The following TIMP1 variants were observed in gnomAD, a reference collection of about 807,000 sequenced individuals.
TIMP1 encodes TIMP metallopeptidase inhibitor 1, also known as metalloproteinase inhibitor 1.
TIMP1 carries 5 observed loss-of-function variants against 13.7 expected under a neutral mutation model. The observed-to-expected ratio is 0.36, with a 90% CI of 0.19 to 0.76. The LOEUF (loss-of-function observed/expected upper bound fraction) is 0.76. TIMP1 is among the 30% of genes least tolerant of loss of function. The pLI is 0.51. For synonymous variants in TIMP1, 63 were observed against 67.1 expected, an observed-to-expected ratio of 0.94 and a Z score of 0.30; for missense variants, 131 against 168.4, an observed-to-expected ratio of 0.78 and a Z score of 1.23.
rs761532697 is a variant in TIMP1 at position 47,583,571 on chromosome X, C to T, written c.121+35C>T. On this transcript the variant is annotated intron_variant, in intron 2 of 5. Coordinates refer to ENST00000218388, the MANE Select transcript of TIMP1 (RefSeq NM_003254.3). ...CACCCCACTCAGCCCACACACTCTG[C>T]CTTGGTTTCCCTTTCAGTCCAGTGG... 123 of 1,154,095 alleles carry T rather than the reference C, an allele frequency of 1.1e-4. No homozygotes were observed. In the South Asian group the frequency reaches 2.5e-3, roughly 23 times the overall value.
rs2057827335 is a variant in TIMP1, at chrX:47,586,508, T to C, written c.454-13T>C. 3 of 1,208,738 alleles carry C rather than the reference T, an allele frequency of 2.5e-6. No individual in the cohort carries two copies. The highest frequency in any genetic ancestry group is 3.4e-6 in the Non-Finnish European group (3 of 893,590). ...GGAGAAGCCCTCAGAGATGTTTCCCTCCTCCCTTCCAGGTGTTTCCCTGTT... is the reference window on the plus strand; with the variant it reads ...GGAGAAGCCCTCAGAGATGTTTCCCCCCTCCCTTCCAGGTGTTTCCCTGTT... On this transcript the variant is annotated splice_polypyrimidine_tract_variant and intron_variant, in intron 5 of 5. Coordinates refer to ENST00000218388, the MANE Select transcript of TIMP1 (RefSeq NM_003254.3).
Position 47,582,479 on chromosome X carries a change from G to T in TIMP1, c.-9+5G>T. 1 of 286,747 alleles carries T rather than the reference G, an allele frequency of 3.5e-6. No individual in the cohort carries two copies. Among genetic ancestry groups the T allele is most frequent in the Non-Finnish European group, 7.1e-6 (1 of 141,080 alleles). The allele number at this position is 286,747 out of a possible 1,213,427, so 23.6% of individuals were successfully genotyped here. On this transcript the variant is annotated splice_donor_5th_base_variant and intron_variant, in intron 1 of 5. Coordinates refer to ENST00000218388, the MANE Select transcript of TIMP1 (RefSeq NM_003254.3). The stretch of plus-strand genomic sequence containing the variant: ...GCGCCCAGAGAGACACCAGAGGTAA[G>T]CAGGGCCCGGGGTGGCCCAGCAGGG...
chrX:47,585,066 G>T, intron 3 of TIMP1, 51 bp downstream of exon 3: 1 of 1,186,540 alleles, frequency 8.4e-7, no homozygotes, highest in South Asian at 1.8e-5. Flanking sequence ...TCTTCCTCCT[G>T]GTCAAAACAG....
chrX:47,586,424 C>T (rs1452300972), intron 5 of TIMP1, 97 bp from the exon 6 acceptor site: 1 of 1,134,645 alleles, frequency 8.8e-7, no homozygotes, highest in African/African-American at 1.8e-5. Context: ...GAGCAAGTCT[C>T]CCCAGCGGCT....
intron 4 of TIMP1, 59 bp from the exon 5 acceptor site, chrX:47,585,484 C>T (rs1394301164): frequency 8.4e-7 from 1 of 1,193,668 alleles, no homozygotes; most frequent in Non-Finnish European, 1.1e-6. Flanking sequence ...CCTTTGGCAG[C>T]TTGGCAGCTC....
At chrX:47,586,139 T>C (rs940915834) in intron 5 of TIMP1, 6 of 942,825 alleles carry the variant, frequency 6.4e-6, no homozygotes, top group Non-Finnish European at 6.6e-6. Context: ...TGGCTCCTGA[T>C]GGCCTCTGAG....
At position 47,585,678 on chromosome X, in the gene TIMP1, G is replaced by C; in HGVS notation, c.453+11G>C. On this transcript the variant is annotated intron_variant, in intron 5 of 5. Coordinates refer to ENST00000218388, the MANE Select transcript of TIMP1 (RefSeq NM_003254.3). ...TGTGAGGAATGCACAGTGAGTGCCT[G>C]GACCCTGACCTCCAACGGGAGATCC... The C allele has an allele frequency of 8.3e-7, 1 of 1,208,841 alleles. No homozygotes were observed. The highest frequency in any genetic ancestry group is 1.1e-6 in the Non-Finnish European group (1 of 894,251).
intron 5 of TIMP1, chrX:47,585,980 C>T: frequency 9.6e-7 from 1 of 1,043,265 alleles, no homozygotes; most frequent in Non-Finnish European, 1.2e-6. Context: ...TCTTGGTTCC[C>T]CAGAATGTTC....
At position 47,585,026 on chromosome X, in the gene TIMP1, C is replaced by T. The variant is rs967095474; in HGVS notation, c.201+11C>T. The T allele has an allele frequency of 1.5e-5, 18 of 1,204,743 alleles. No individual in the cohort carries two copies. The Admixed American group carries it at 2.9e-4, about 19-fold the overall frequency. ...ATCAAGATGACCAAGGTATCCCCTG[C>T]CCCCGCCTCTTTCCCAGCATTTTCT... On this transcript the variant is annotated intron_variant, in intron 3 of 5. Coordinates refer to ENST00000218388, the MANE Select transcript of TIMP1 (RefSeq NM_003254.3).
intron 2 of TIMP1, 131 bp from the exon 3 acceptor site, chrX:47,584,805 G>T (rs1344812568): frequency 1.9e-6 from 1 of 517,431 alleles, no homozygotes; most frequent in Non-Finnish European, 3.2e-6. Context: ...AAATCACTTT[G>T]TGTGCTGTCT....
At position 47,585,382 on chromosome X, in the gene TIMP1, C is replaced by T. The variant is rs189627564; in HGVS notation, c.328+51C>T. ...GCCACACCAACCAGTCCCTGGGGCGCGGCCTAGCAACCACGAGGGGGCGAG... is the reference window on the plus strand; with the variant it reads ...GCCACACCAACCAGTCCCTGGGGCGTGGCCTAGCAACCACGAGGGGGCGAG... On this transcript the variant is annotated intron_variant, in intron 4 of 5. Coordinates refer to ENST00000218388, the MANE Select transcript of TIMP1 (RefSeq NM_003254.3). 2.3e-4 allele frequency: 274 copies of T among 1,204,905 alleles called. No homozygotes were observed. Among genetic ancestry groups the T allele is most frequent in the Middle Eastern group, 1.2e-3 (5 of 4,338 alleles).
chrX:47,586,621 G>T lies in TIMP1; in HGVS notation c.554G>T (p.Arg185Leu). Residue 185 changes from arginine to leucine, a missense_variant, in exon 6 of 6, where the codon CGT becomes CTT. Physicochemically the swap from Arg to Leu is moderately radical, Grantham distance 102. Transcript: ENST00000218388. ...GGCTCTGAAAAGGGCTTCCAGTCCCGTCACCTTGCCTGCCTGCCTCGGGAG... is the reference window on the plus strand; with the variant it reads ...GGCTCTGAAAAGGGCTTCCAGTCCCTTCACCTTGCCTGCCTGCCTCGGGAG... ...LQGSEKGFQS[R>L]HLACLPREPG... is the part of the protein sequence containing the mutation. 3.3e-6 allele frequency: 4 copies of T among 1,211,915 alleles called. No homozygotes were observed. Among genetic ancestry groups the T allele is most frequent in the Non-Finnish European group, 3.3e-6 (3 of 895,616 alleles).
rs2057828903 is a variant in TIMP1 at position 47,586,722 on chromosome X, A to C, written c.*31A>C. On this transcript the variant is annotated 3_prime_UTR_variant, in exon 6 of 6. Coordinates refer to ENST00000218388, the MANE Select transcript of TIMP1 (RefSeq NM_003254.3). Reference sequence around the variant, plus strand: ...GCCCGGAGTGGAAGCTGAAGCCTGCACAGTGTCCACCCTGTTCCCACTCCC... The same window carrying C: ...GCCCGGAGTGGAAGCTGAAGCCTGCCCAGTGTCCACCCTGTTCCCACTCCC... 1 of 1,193,472 alleles carries C rather than the reference A, an allele frequency of 8.4e-7. No homozygotes were observed. The highest frequency in any genetic ancestry group is 1.8e-5 in the African/African-American group (1 of 57,099).
intron 2 of TIMP1, among the ~76,000 whole-genome samples, chrX:47,584,292 G>A (rs772963702): frequency 4.5e-5 from 5 of 110,448 alleles, no homozygotes; most frequent in Non-Finnish European, 9.5e-5. Flanking sequence ...GGATGATCAG[G>A]TATTGAGGAT....
rs1322634449 is a variant in TIMP1 at position 47,585,664 on chromosome X, C to T, written c.450C>T (p.Cys150=). 3 of 1,207,495 alleles carry T rather than the reference C, an allele frequency of 2.5e-6. No individual in the cohort carries two copies. The highest frequency in any genetic ancestry group is 3.4e-6 in the Non-Finnish European group (3 of 893,490). The change falls in exon 5 of 6, where the codon TGC becomes TGT. Residue 150 remains cysteine, a synonymous_variant. Coordinates refer to ENST00000218388, the MANE Select transcript of TIMP1 (RefSeq NM_003254.3). ...CCTACACTGTTGGCTGTGAGGAATGCACAGTGAGTGCCTGGACCCTGACCT... is the reference window on the plus strand; with the variant it reads ...CCTACACTGTTGGCTGTGAGGAATGTACAGTGAGTGCCTGGACCCTGACCT... ...TKTYTVGCEE[C]TVFPCLSIPC...
chrX:47,582,618 G>T, intron 1 of TIMP1, 144 bp downstream of exon 1: 1 of 358,944 alleles, frequency 2.8e-6, no homozygotes, highest in East Asian at 8.3e-5. Flanking sequence ...TAGTCTAGGG[G>T]GAAGAGGGTC....
intron 2 of TIMP1, among the ~76,000 whole-genome samples, chrX:47,584,443 G>T (rs1321606336): frequency 8.9e-6 from 1 of 111,888 alleles, no homozygotes; most frequent in Non-Finnish European, 1.9e-5. Flanking sequence ...GCACAGATGG[G>T]CCTAGGAGGA....
chrX:47,586,617 T>C lies in TIMP1; in HGVS notation c.550T>C (p.Ser184Pro). ...LLQGSEKGFQ[S>P]RHLACLPREP... ...CCAAGGCTCTGAAAAGGGCTTCCAGTCCCGTCACCTTGCCTGCCTGCCTCG... is the reference window on the plus strand; with the variant it reads ...CCAAGGCTCTGAAAAGGGCTTCCAGCCCCGTCACCTTGCCTGCCTGCCTCG... The change falls in exon 6 of 6, where the codon TCC (serine) becomes CCC (proline). Residue 184 changes from serine (S) to proline (P), a missense_variant. Coordinates refer to ENST00000218388, the MANE Select transcript of TIMP1 (RefSeq NM_003254.3). The C allele has an allele frequency of 8.3e-7, 1 of 1,211,928 alleles. No individual in the cohort carries two copies. The highest frequency in any genetic ancestry group is 1.1e-6 in the Non-Finnish European group (1 of 895,577).
At chrX:47,583,686 A>G (rs2057809800) in intron 2 of TIMP1, 150 bp downstream of exon 2, 3 of 644,579 alleles carry the variant, frequency 4.7e-6, no homozygotes, top group Non-Finnish European at 6.5e-6. Flanking sequence ...CACTTCCTTG[A>G]GTACTCTGTG....
Sources: gnomAD v4.1 joint callset for allele counts (sites outside exome capture counted in the v4.1 genomes callset) on GRCh38, gnomAD v4.1.1 for gene constraint, MANE v1.5 for transcripts, NCBI Gene and HGNC (gene_info 2026-07-23, HGNC 2026-07-21) for gene names.